Variants in SRD5A2 observed in about 807,000 individuals in gnomAD.
The protein encoded by SRD5A2 is steroid 5 alpha-reductase 2.
A neutral mutation model predicts 27.4 loss-of-function variants in SRD5A2; 30 were observed. That is an observed-to-expected ratio of 1.10 (90% confidence interval 0.82 to 1.49). The LOEUF (loss-of-function observed/expected upper bound fraction) is 1.49, where lower values mean the gene tolerates loss of function less well. Ranked by LOEUF, SRD5A2 falls within the 40% of genes most tolerant of loss-of-function variation. The pLI is 0.00. For synonymous variants in SRD5A2, 141 were observed against 133.6 expected (o/e 1.06, Z -0.38); for missense variants, 348 against 323.4 (o/e 1.08, Z -0.58).
intron 1 of SRD5A2, among the ~76,000 whole-genome samples, chr2:31,544,573 T>G (rs1460681553): frequency 6.6e-6 from 1 of 151,740 alleles, no homozygotes; most frequent in African/African-American, 2.4e-5. Flanking sequence ...AGCATGAAAT[T>G]TGAAACTACA....
At chr2:31,619,995 TTGTCATGAAATCTTTGTCAG>T in the SRD5A2 span, among the ~76,000 whole-genome samples, 5 of 152,190 alleles carry the variant, frequency 3.3e-5, no homozygotes, top group Admixed American at 6.5e-5. Flanking sequence ...TTTGGCATCT[TTGTCATGAAATCTTTGTCAG>T]TGCCTATGTC....
chr2:31,589,163 G>A, the SRD5A2 span, among the ~76,000 whole-genome samples: 1 of 152,118 alleles, frequency 6.6e-6, no homozygotes, highest in African/African-American at 2.4e-5. Context: ...AACAGATTTA[G>A]GATGCCAAGC....
chr2:31,595,836 T>C, the SRD5A2 span, among the ~76,000 whole-genome samples: 1 of 152,156 alleles, frequency 6.6e-6, no homozygotes, highest in East Asian at 1.9e-4. Context: ...TCCAACAGCA[T>C]ATCAAAAAGA....
At chr2:31,580,987 C>G (rs1315600187), upstream of SRD5A2, 5 of 1,407,344 alleles carry the variant, frequency 3.6e-6, no homozygotes, top group Non-Finnish European at 4.7e-6. Context: ...AGACGCCACC[C>G]GTGTCCGCCC....
At chr2:31,583,482 G>A (rs1010517298), upstream of SRD5A2, among the ~76,000 whole-genome samples, 1 of 151,910 alleles carries the variant, frequency 6.6e-6, no homozygotes, top group Non-Finnish European at 1.5e-5. Context: ...AGAAGAAAGT[G>A]CCCAATTATA....
chr2:31,638,872 C>T, the SRD5A2 span, among the ~76,000 whole-genome samples: 2 of 151,876 alleles, frequency 1.3e-5, no homozygotes, highest in Non-Finnish European at 2.9e-5. Context: ...CATTCAGTCA[C>T]TCTGTGCCTT....
the SRD5A2 span, among the ~76,000 whole-genome samples, chr2:31,625,005 A>G: frequency 5.9e-5 from 9 of 152,148 alleles, no homozygotes; most frequent in African/African-American, 2.2e-4. Context: ...ATTTCCACAC[A>G]TCCTCTCCAG....
chr2:31,595,096 C>T, the SRD5A2 span, among the ~76,000 whole-genome samples: 7,355 of 152,150 alleles, frequency 0.048, 224 homozygotes, highest in Middle Eastern at 0.11. Flanking sequence ...TAAATGCTTA[C>T]ATCAAAAAGT....
At chr2:31,642,305 T>G in the SRD5A2 span, among the ~76,000 whole-genome samples, 12 of 152,024 alleles carry the variant, frequency 7.9e-5, no homozygotes, top group South Asian at 6.2e-4. Flanking sequence ...GAAGAAAACA[T>G]AGGAGACAAT....
chr2:31,612,856 T>A, the SRD5A2 span, among the ~76,000 whole-genome samples: 1 of 152,090 alleles, frequency 6.6e-6, no homozygotes, highest in Admixed American at 6.6e-5. Context: ...AGCCCAGATA[T>A]AAACTTAAAT....
chr2:31,650,505 A>T, the SRD5A2 span, among the ~76,000 whole-genome samples: 1 of 152,144 alleles, frequency 6.6e-6, no homozygotes, highest in Non-Finnish European at 1.5e-5. Flanking sequence ...TCCTCTAGAT[A>T]GTTTCTCTAT....
At chr2:31,609,829 C>T in the SRD5A2 span, among the ~76,000 whole-genome samples, 1 of 151,964 alleles carries the variant, frequency 6.6e-6, no homozygotes, top group East Asian at 1.9e-4. Context: ...CAAGTTATAT[C>T]ATTGATAAGG....
At chr2:31,618,362 G>A in the SRD5A2 span, among the ~76,000 whole-genome samples, 1 of 152,108 alleles carries the variant, frequency 6.6e-6, no homozygotes, top group Non-Finnish European at 1.5e-5. Context: ...CTGATATGTT[G>A]AAGAGGTATC....
At position 31,529,300 on chromosome 2, in the gene SRD5A2, A is replaced by C. The variant is rs569856323; in HGVS notation, c.698+7T>G. On this transcript the variant is annotated splice_region_variant and intron_variant, in intron 4 of 4. Coordinates refer to ENST00000622030, the MANE Select transcript of SRD5A2 (RefSeq NM_000348.4). Reference sequence around the variant, plus strand: ...GTGAATGCTGCCGCTTTTATTGAAAAATTTACCTATGGTGGTGAAAAGCTC... The same window carrying C: ...GTGAATGCTGCCGCTTTTATTGAAACATTTACCTATGGTGGTGAAAAGCTC... 2.4e-4 allele frequency: 384 copies of C among 1,613,676 alleles called. 6 individuals carry two copies. The South Asian group carries it at 4.0e-3, about 17-fold the overall frequency.
intron 1 of SRD5A2, among the ~76,000 whole-genome samples, chr2:31,574,702 T>C (rs1203945055): frequency 6.6e-6 from 1 of 152,222 alleles, no homozygotes; most frequent in Admixed American, 6.5e-5. Flanking sequence ...CCCACTTACA[T>C]GTAGCAGAAA....
the SRD5A2 span, among the ~76,000 whole-genome samples, chr2:31,611,006 G>A: frequency 3.6e-3 from 555 of 152,190 alleles, 4 homozygotes; most frequent in African/African-American, 0.013. Context: ...CTACTCAGGA[G>A]GTTGAGGCAG....
chr2:31,604,626 C>T, the SRD5A2 span, among the ~76,000 whole-genome samples: 1 of 151,516 alleles, frequency 6.6e-6, no homozygotes, highest in African/African-American at 2.4e-5. Flanking sequence ...ACAATAAAAA[C>T]CACAAAACAT....
chr2:31,583,674 A>C (rs1358487233), upstream of SRD5A2, among the ~76,000 whole-genome samples: 1 of 150,232 alleles, frequency 6.7e-6, no homozygotes, highest in Non-Finnish European at 1.5e-5. Flanking sequence ...AAAAAAAAAA[A>C]ACACCACTAC....
chr2:31,658,392 G>C, the SRD5A2 span, among the ~76,000 whole-genome samples: 1 of 151,856 alleles, frequency 6.6e-6, no homozygotes, highest in East Asian at 1.9e-4. Flanking sequence ...TGACCTGAAG[G>C]GAATTGAGAC....
Sources: allele counts gnomAD v4.1 joint callset (sites outside exome capture counted in the v4.1 genomes callset), GRCh38; gene constraint gnomAD v4.1.1; transcripts MANE v1.5; gene names NCBI Gene and HGNC (gene_info 2026-07-23, HGNC 2026-07-21).